FKBP15: variants seen among roughly 807,000 people sequenced by gnomAD.
FKBP15 encodes the protein FKBP prolyl isomerase family member 15, also known as FK506-binding protein 15.
In FKBP15, 106 loss-of-function variants were observed where a neutral mutation model predicts 158.1. The observed-to-expected ratio is 0.67, with a 90% CI of 0.57 to 0.79. The LOEUF (loss-of-function observed/expected upper bound fraction) is 0.79. FKBP15 is among the 30% of genes least tolerant of loss of function. The pLI, the probability that FKBP15 is intolerant of heterozygous loss-of-function variation, is 0.00. For synonymous variants in FKBP15, 547 were observed against 548.6 expected (o/e 1.00, Z 0.04); for missense variants, 1,287 against 1,479.1 (o/e 0.87, Z 2.13).
chr9:113,217,714 G>A (rs1194242348), intron 1 of FKBP15, among the ~76,000 whole-genome samples: 1 of 151,932 alleles, frequency 6.6e-6, no homozygotes, highest in East Asian at 1.9e-4. Flanking sequence ...GGTGGCATGC[G>A]CCTGTAATCC....
intron 12 of FKBP15, among the ~76,000 whole-genome samples, chr9:113,189,435 CT>C: frequency 6.6e-6 from 1 of 152,124 alleles, no homozygotes. Context: ...GATGAATGCC[CT>C]TTTTGTTCAA....
At chr9:113,211,004 C>T (rs1397176696) in intron 2 of FKBP15, among the ~76,000 whole-genome samples, 1 of 152,232 alleles carries the variant, frequency 6.6e-6, no homozygotes, top group Non-Finnish European at 1.5e-5. Flanking sequence ...GACTGATCCA[C>T]TACTGGCTTC....
intron 23 of FKBP15, among the ~76,000 whole-genome samples, chr9:113,172,026 G>A (rs554527581): frequency 1.3e-4 from 19 of 149,028 alleles, no homozygotes; most frequent in Non-Finnish European, 2.5e-4. Context: ...AGGCCCCGGT[G>A]TGTGATGTTC....
In FKBP15 at chr9:113,184,342, C is replaced by G; in HGVS notation, c.1666G>C (p.Val556Leu). The change falls in exon 17 of 28, where the codon GTT (valine) becomes CTT (leucine). Residue 556 changes from valine to leucine, a missense_variant. By Grantham distance (32) the Val-to-Leu change is conservative (BLOSUM62 1). Transcript: ENST00000238256. The surrounding 1 kb of genome is among the most constrained non-coding windows in gnomAD (Gnocchi z 4.5). ...GNSMLIPSMS[V>L]TMETSMIMSN... ...ATAATCATGCTTGTTTCCATTGTAA[C>G]TGACATGCTAGGAATAAGCATGGAA... 1 of 1,606,996 alleles carries G rather than the reference C, an allele frequency of 6.2e-7. No individual in the cohort carries two copies. Among genetic ancestry groups the G allele is most frequent in the African/African-American group, 1.3e-5 (1 of 74,972 alleles).
chr9:113,190,504 T>A lies in FKBP15; in HGVS notation c.1140A>T (p.Pro380=), dbSNP rs1321301086. The A allele has an allele frequency of 1.9e-6, 3 of 1,612,166 alleles. No individual in the cohort carries two copies. Among genetic ancestry groups the A allele is most frequent in the Admixed American group, 3.3e-5 (2 of 59,792 alleles). Residue 380 remains proline (P), a synonymous_variant, in exon 12 of 28, where the codon CCA becomes CCT. Transcript: ENST00000238256. ...CTGAATCATTGGAATCCAGCTGTGGTGGAAGGATGGGCAGCATGGGCTGGC... is the reference window on the plus strand; with the variant it reads ...CTGAATCATTGGAATCCAGCTGTGGAGGAAGGATGGGCAGCATGGGCTGGC... ...KMGQPMLPIL[P]PQLDSNDSEI... is the part of the protein sequence containing the mutation.
At chr9:113,195,613 T>C (rs1830661692) in intron 9 of FKBP15, among the ~76,000 whole-genome samples, 1 of 152,214 alleles carries the variant, frequency 6.6e-6, no homozygotes, top group South Asian at 2.1e-4. Context: ...ATCCTTTCTC[T>C]GTGACAGGTG....
chr9:113,218,863 C>A (rs373393010), intron 1 of FKBP15, among the ~76,000 whole-genome samples: 9 of 152,116 alleles, frequency 5.9e-5, no homozygotes, highest in Non-Finnish European at 1.2e-4. Flanking sequence ...TTCTGATGAT[C>A]GGTTAATTTA....
At chr9:113,170,024 T>C in intron 25 of FKBP15, 82 bp from the exon 26 acceptor site, 2 of 1,439,128 alleles carry the variant, frequency 1.4e-6, no homozygotes, top group Non-Finnish European at 1.8e-6. Flanking sequence ...ACTGGTCATG[T>C]AGTTTAAATG....
In FKBP15 at chr9:113,173,529, T is replaced by C. The variant is rs768740675; in HGVS notation, c.2456A>G (p.Glu819Gly). 1.2e-6 allele frequency: 2 copies of C among 1,613,894 alleles called. No homozygotes were observed. Among genetic ancestry groups the C allele is most frequent in the African/African-American group, 2.7e-5 (2 of 74,930 alleles). ...CACCTCCTGGTACTGCTGCAGGTGC[T>C]CATCCTTGGCGGAGGCCAACAAATG... is the stretch of plus-strand genomic sequence containing the variant. Reference protein sequence around the residue: ...CEHLLASAKDEHLQQYQEVCA... With the variant: ...CEHLLASAKDGHLQQYQEVCA... Residue 819 changes from glutamate to glycine, a missense_variant, in exon 23 of 28, where the codon GAG becomes GGG. Glu to Gly is a moderately conservative substitution (Grantham distance 98). Transcript: ENST00000238256.
intron 7 of FKBP15, among the ~76,000 whole-genome samples, chr9:113,199,158 C>T (rs1052794276): frequency 9.9e-5 from 15 of 152,152 alleles, no homozygotes; most frequent in African/African-American, 3.6e-4. Context: ...CACATTACTA[C>T]AACTGTGTAT....
chr9:113,195,984 CTATGTA>C lies in FKBP15; in HGVS notation c.864+942_864+947del, dbSNP rs1830671059. ...TGTATACACATACATGTACATATGA[CTATGTA>C]TATGGATATGTATATACGTATACAC... On this transcript the variant is annotated intron_variant, in intron 9 of 27. Coordinates refer to ENST00000238256, the MANE Select transcript of FKBP15 (RefSeq NM_015258.2). Among the ~76,000 whole-genome samples, 4 of 151,842 alleles carry C rather than the reference CTATGTA, an allele frequency of 2.6e-5. No homozygotes were observed. The South Asian group carries it at 8.3e-4, about 32-fold the overall frequency.
Position 113,183,971 on chromosome 9 carries a change from G to A in FKBP15, c.1717-126C>T, listed in dbSNP as rs568361661. 11 of 694,958 alleles carry A rather than the reference G, an allele frequency of 1.6e-5. No individual in the cohort carries two copies. In the African/African-American group the frequency reaches 1.9e-4, roughly 12 times the overall value. 43.0% of individuals were successfully genotyped at this position (694,958 alleles called of 1,614,324 possible). A position where few individuals can be genotyped will look rare whatever the true frequency, so the allele number is the denominator to read the frequency against. ...TTTGAGACAAAACACTAGAACTTAT[G>A]TCCACATGTATGTTAAAACAACACA... On this transcript the variant is annotated intron_variant, in intron 17 of 27. Coordinates refer to ENST00000238256, the MANE Select transcript of FKBP15 (RefSeq NM_015258.2).
At chr9:113,185,980 G>A (rs944103706) in intron 15 of FKBP15, among the ~76,000 whole-genome samples, 12 of 152,234 alleles carry the variant, frequency 7.9e-5, no homozygotes, top group African/African-American at 2.9e-4. Context: ...CACAGAATGT[G>A]GACACAAGGA....
At chr9:113,200,308 G>A (rs967228117) in intron 6 of FKBP15, among the ~76,000 whole-genome samples, 1 of 152,178 alleles carries the variant, frequency 6.6e-6, no homozygotes, top group African/African-American at 2.4e-5. Flanking sequence ...ACTTGACAAG[G>A]TACCTGGCAA....
At chr9:113,183,427 T>G (rs1830434877) in intron 18 of FKBP15, among the ~76,000 whole-genome samples, 1 of 151,396 alleles carries the variant, frequency 6.6e-6, no homozygotes, top group East Asian at 1.9e-4. Context: ...GAGAGAAGAG[T>G]TGACACCAGA....
At chr9:113,177,803 T>C (rs775984216) in intron 20 of FKBP15, among the ~76,000 whole-genome samples, 5 of 152,176 alleles carry the variant, frequency 3.3e-5, no homozygotes, top group Non-Finnish European at 7.3e-5. Flanking sequence ...TCCATATTTG[T>C]TTCCATAAAC....
chr9:113,184,882 C>T lies in FKBP15; in HGVS notation c.1499-78G>A. The T allele has an allele frequency of 1.8e-6, 2 of 1,115,942 alleles. No homozygotes were observed. The highest frequency in any genetic ancestry group is 2.8e-5 in the South Asian group (2 of 72,330). The allele number at this position is 1,115,942 out of a possible 1,614,324, so 69.1% of individuals were successfully genotyped here. On this transcript the variant is annotated intron_variant, in intron 15 of 27. Transcript: ENST00000238256. This position sits in a 1 kb window ranked among gnomAD's most constrained non-coding sequence, Gnocchi z 4.5. ...GTATGAAGAAAAGCTAGTAGCTCTT[C>T]CAGTAAAGAAAGAAATTAATACTTC... is the stretch of plus-strand genomic sequence containing the variant.
At chr9:113,186,119 C>G (rs994307121) in intron 15 of FKBP15, 130 bp downstream of exon 15, 1 of 650,700 alleles carries the variant, frequency 1.5e-6, no homozygotes, top group African/African-American at 1.8e-5. Context: ...CATATTATAT[C>G]TCAACAAAGC....
chr9:113,220,896 G>C (rs538949200), intron 1 of FKBP15, among the ~76,000 whole-genome samples: 1 of 152,320 alleles, frequency 6.6e-6, no homozygotes, highest in South Asian at 2.1e-4. Context: ...TTCTGAGGCA[G>C]GAAGTCTCAT....
Sources: gnomAD v4.1 joint callset for allele counts (sites outside exome capture counted in the v4.1 genomes callset) on GRCh38, gnomAD v4.1.1 for gene constraint, Gnocchi (gnomAD v3.1) non-coding constraint, MANE v1.5 for transcripts, NCBI Gene and HGNC (gene_info 2026-07-23, HGNC 2026-07-21) for gene names.